MME: variants seen among roughly 807,000 people sequenced by gnomAD.
MME encodes neprilysin.
A neutral mutation model predicts 113.2 loss-of-function variants in MME; 98 were observed. That is an observed-to-expected ratio of 0.87 (90% CI 0.74 to 1.02). The LOEUF (loss-of-function observed/expected upper bound fraction) is 1.02. Among genes scored for constraint, MME ranks in the 50% least tolerant of loss-of-function variants. The pLI is 0.00. For synonymous variants in MME, 292 were observed against 300.6 expected (o/e 0.97, Z 0.30); for missense variants, 836 against 896.0 (o/e 0.93, Z 0.86).
At chr3:155,164,143 CAAA>C (rs34922274) in intron 17 of MME, among the ~76,000 whole-genome samples, 10 of 90,098 alleles carry the variant, frequency 1.1e-4, no homozygotes, top group Non-Finnish European at 1.5e-4. Flanking sequence ...GACCCTGTTT[CAAA>C]AAAAAAAAAA....
At chr3:155,071,072 T>C (rs1305573920) in intron 1 of MME, among the ~76,000 whole-genome samples, 1 of 152,202 alleles carries the variant, frequency 6.6e-6, no homozygotes, top group Non-Finnish European at 1.5e-5. Context: ...TACCAAGGGC[T>C]CAAAATCAGC....
At chr3:155,173,744 T>A (rs561276825) in intron 22 of MME, among the ~76,000 whole-genome samples, 1 of 152,146 alleles carries the variant, frequency 6.6e-6, no homozygotes, top group African/African-American at 2.4e-5. Flanking sequence ...GCAACAAAAG[T>A]GACTGGATTA....
rs149076347 is a variant in MME at position 155,126,535 on chromosome 3, C to T, written c.720+7724C>T. 4.7e-3 allele frequency among the ~76,000 whole-genome samples: 713 copies of T among 151,752 alleles called. 7 individuals are homozygous for T. Among genetic ancestry groups the T allele is most frequent in the African/African-American group, 0.017 (689 of 41,382 alleles). On this transcript the variant is annotated intron_variant, in intron 8 of 22. Transcript: ENST00000360490. Reference sequence around the variant, plus strand: ...CTGATATAGAAGCATTTTTGTTTAACCTGTAGTGTTTTTTTTTAAATTTTG... The same window carrying T: ...CTGATATAGAAGCATTTTTGTTTAATCTGTAGTGTTTTTTTTTAAATTTTG...
rs549560320 is a variant in MME at position 155,129,104 on chromosome 3, G to A, written c.721-8998G>A. ...ATAATCAAGAGAAGTTTTGAGAATT[G>A]GCATAGGGTCACCAACTTTTTTTGT... On this transcript the variant is annotated intron_variant, in intron 8 of 22. Coordinates refer to ENST00000360490, the MANE Select transcript of MME (RefSeq NM_007289.4). 6.6e-5 allele frequency among the ~76,000 whole-genome samples: 10 copies of A among 152,190 alleles called. No individual in the cohort carries two copies. The East Asian group carries it at 1.2e-3, about 18-fold the overall frequency.
At chr3:155,107,412 T>C (rs1197517853) in intron 3 of MME, among the ~76,000 whole-genome samples, 3 of 151,322 alleles carry the variant, frequency 2.0e-5, no homozygotes, top group Admixed American at 6.6e-5. Context: ...ACTGGGGGTA[T>C]ATATGTGGTA....
chr3:155,077,097 T>C (rs2108149030), upstream of MME, among the ~76,000 whole-genome samples: 1 of 152,324 alleles, frequency 6.6e-6, no homozygotes, highest in East Asian at 1.9e-4. Context: ...AGCCTTATTT[T>C]ACCCGGCCCC....
intron 1 of MME, among the ~76,000 whole-genome samples, chr3:155,060,334 TACTA>T (rs908384053): frequency 1.3e-5 from 2 of 152,232 alleles, no homozygotes; most frequent in African/African-American, 4.8e-5. Context: ...TAAGATGGTT[TACTA>T]ACTTTCAAAA....
intron 8 of MME, among the ~76,000 whole-genome samples, chr3:155,128,588 A>G (rs540431898): frequency 6.6e-6 from 1 of 150,586 alleles, no homozygotes; most frequent in South Asian, 2.1e-4. Context: ...CTTTGCCTAG[A>G]ACTTGCCCCC....
chr3:155,127,183 C>T (rs149411715), intron 8 of MME, among the ~76,000 whole-genome samples: 289 of 152,216 alleles, frequency 1.9e-3, no homozygotes, highest in Middle Eastern at 0.01. Context: ...AATACAGTAG[C>T]TCAAACAAGA....
At chr3:155,080,555 T>C (rs73874498) in intron 1 of MME, 89 bp downstream of exon 1, 9,521 of 152,272 alleles carry the variant, frequency 0.063, 530 homozygotes, top group African/African-American at 0.14. Flanking sequence ...ATCTTTTCAT[T>C]ATCCCACCTC....
chr3:155,178,411 TG>T (rs1284090849), intron 22 of MME, among the ~76,000 whole-genome samples: 1 of 152,002 alleles, frequency 6.6e-6, no homozygotes, highest in Non-Finnish European at 1.5e-5. Flanking sequence ...GGAAAGAAAA[TG>T]CTTTCTTTCT....
intron 3 of MME, among the ~76,000 whole-genome samples, chr3:155,088,397 G>GAGA (rs1425437693): frequency 6.6e-6 from 1 of 152,106 alleles, no homozygotes; most frequent in East Asian, 1.9e-4. Flanking sequence ...AATGTGAAAA[G>GAGA]AGAAGGCTGG....
chr3:155,167,622 C>T lies in MME; in HGVS notation c.1780+601C>T, dbSNP rs547739143. Among the ~76,000 whole-genome samples the T allele has an allele frequency of 7.2e-5, 11 of 152,200 alleles. No individual in the cohort carries two copies. The South Asian group carries it at 2.3e-3, about 32-fold the overall frequency. On this transcript the variant is annotated intron_variant, in intron 18 of 22. Coordinates refer to ENST00000360490, the MANE Select transcript of MME (RefSeq NM_007289.4). ...AGTTCAATCTATGACAAATTTCATTCACAAATGGAAAGTAGAGAACAATAG... is the reference window on the plus strand; with the variant it reads ...AGTTCAATCTATGACAAATTTCATTTACAAATGGAAAGTAGAGAACAATAG...
At chr3:155,057,922 C>A (rs1419712653) in intron 1 of MME, among the ~76,000 whole-genome samples, 1 of 152,032 alleles carries the variant, frequency 6.6e-6, no homozygotes, top group East Asian at 1.9e-4. Flanking sequence ...CTAAATTATT[C>A]TTTTGTACAT....
chr3:155,148,446 T>C, intron 15 of MME, 104 bp from the exon 16 acceptor site: 1 of 765,866 alleles, frequency 1.3e-6, no homozygotes, highest in Non-Finnish European at 2.2e-6. Context: ...TGCTCTCTTT[T>C]AACTTTATTG....
intron 1 of MME, among the ~76,000 whole-genome samples, chr3:155,082,694 T>G (rs1289638705): frequency 6.6e-6 from 1 of 152,216 alleles, no homozygotes; most frequent in Non-Finnish European, 1.5e-5. Context: ...GCTTATAGCC[T>G]CATGTAATCA....
chr3:155,146,587 A>G (rs1403043540), intron 14 of MME, among the ~76,000 whole-genome samples: 1 of 152,142 alleles, frequency 6.6e-6, no homozygotes, highest in Admixed American at 6.6e-5. Context: ...ATAACAAGGA[A>G]AACCTCGTTT....
At chr3:155,150,625 T>A (rs1466362810) in intron 16 of MME, among the ~76,000 whole-genome samples, 1 of 152,102 alleles carries the variant, frequency 6.6e-6, no homozygotes, top group African/African-American at 2.4e-5. Flanking sequence ...AAACACTGAT[T>A]CCCCAGCTCA....
Position 155,172,467 on chromosome 3 carries a change from A to G in MME, c.2077-69A>G, listed in dbSNP as rs1038101257. On this transcript the variant is annotated intron_variant, in intron 21 of 22. Transcript: ENST00000360490. ...AATTTAATTTTTCTCCTTCCCCTCAACTTGCTCAAACAAATAATCCTTGAT... is the reference window on the plus strand; with the variant it reads ...AATTTAATTTTTCTCCTTCCCCTCAGCTTGCTCAAACAAATAATCCTTGAT... The G allele has an allele frequency of 3.2e-6, 4 of 1,259,538 alleles. No homozygotes were observed. In the African/African-American group the frequency reaches 4.4e-5, roughly 14 times the overall value. The allele number at this position is 1,259,538 out of a possible 1,614,324, so 78.0% of individuals were successfully genotyped here. A position where few individuals can be genotyped will look rare whatever the true frequency, so the allele number is the denominator to read the frequency against.
Sources: allele counts gnomAD v4.1 joint callset (sites outside exome capture counted in the v4.1 genomes callset), GRCh38; gene constraint gnomAD v4.1.1; transcripts MANE v1.5; gene names NCBI Gene and HGNC (gene_info 2026-07-23, HGNC 2026-07-21).